ASIC2: variants seen among roughly 807,000 people sequenced by gnomAD.
The protein encoded by ASIC2 is acid-sensing ion channel 2.
ASIC2 carries 25 observed loss-of-function variants against 57.3 expected under a neutral mutation model. That is an observed-to-expected ratio of 0.44 (90% CI 0.32 to 0.61). The LOEUF (loss-of-function observed/expected upper bound fraction) is 0.61, where lower values mean the gene tolerates loss of function less well. Ranked by LOEUF, ASIC2 falls within the 20% of genes least tolerant of loss-of-function variation. ASIC2 has a pLI of 0.06. For missense variants in ASIC2, 641 were observed against 738.1 expected (o/e 0.87, Z 1.52); for synonymous variants, 319 against 307.5 (o/e 1.04, Z -0.39).
At chr17:34,070,527 G>A (rs1026335229) in intron 1 of ASIC2, 4 of 152,232 alleles carry the variant, frequency 2.6e-5, no homozygotes, top group African/African-American at 9.6e-5. Flanking sequence ...GCTACATTGG[G>A]GAAAAGTTTC....
At chr17:33,616,729 G>A (rs551102388) in intron 1 of ASIC2, among the ~76,000 whole-genome samples, 1 of 152,350 alleles carries the variant, frequency 6.6e-6, no homozygotes, top group Non-Finnish European at 1.5e-5. Context: ...TCCCTTGCCA[G>A]CAGAGATTCT....
intron 1 of ASIC2, among the ~76,000 whole-genome samples, chr17:33,823,000 C>A (rs1170280488): frequency 1.3e-5 from 2 of 152,120 alleles, no homozygotes; most frequent in Admixed American, 6.6e-5. Flanking sequence ...TTGAGAAGTG[C>A]CTGCATGCAG....
chr17:34,049,047 C>G (rs1597993323), intron 1 of ASIC2, among the ~76,000 whole-genome samples: 2 of 152,056 alleles, frequency 1.3e-5, no homozygotes, highest in East Asian at 3.9e-4. Context: ...TCTGTAATCC[C>G]AGTACTTTGG....
chr17:33,962,328 G>A (rs886742386), intron 1 of ASIC2, among the ~76,000 whole-genome samples: 1 of 152,126 alleles, frequency 6.6e-6, no homozygotes, highest in African/African-American at 2.4e-5. Flanking sequence ...CCTGGGGGAG[G>A]TGACATCGGA....
chr17:33,354,182 A>C (rs1249073984), intron 1 of ASIC2, among the ~76,000 whole-genome samples: 1 of 152,178 alleles, frequency 6.6e-6, no homozygotes, highest in Admixed American at 6.5e-5. Context: ...GTCCCACAAC[A>C]TGTGGGAATT....
intron 1 of ASIC2, among the ~76,000 whole-genome samples, chr17:33,166,213 G>T (rs1905301930): frequency 2.0e-5 from 3 of 152,220 alleles, no homozygotes. Context: ...ATGGAGATGA[G>T]AATTCCTTCC....
At chr17:33,327,728 A>G (rs1427208337) in intron 1 of ASIC2, among the ~76,000 whole-genome samples, 2 of 152,254 alleles carry the variant, frequency 1.3e-5, no homozygotes, top group Non-Finnish European at 2.9e-5. Context: ...TGTCATGAGT[A>G]TAATTGTGCT....
intron 1 of ASIC2, among the ~76,000 whole-genome samples, chr17:33,198,233 G>T (rs1395323267): frequency 6.6e-6 from 1 of 152,132 alleles, no homozygotes; most frequent in Non-Finnish European, 1.5e-5. Flanking sequence ...TGCACCTGTA[G>T]TCCCAGCTAC....
intron 1 of ASIC2, among the ~76,000 whole-genome samples, chr17:33,469,884 T>C (rs534064052): frequency 1.3e-5 from 2 of 152,308 alleles, no homozygotes; most frequent in South Asian, 4.1e-4. Flanking sequence ...TAAGGTATTG[T>C]GGACCTACAA....
chr17:33,453,974 A>AT (rs1187250271), intron 1 of ASIC2, among the ~76,000 whole-genome samples: 2 of 151,888 alleles, frequency 1.3e-5, no homozygotes, highest in African/African-American at 2.4e-5. Flanking sequence ...CATTCCTTTT[A>AT]TTTTTCCTAT....
chr17:33,286,676 A>T (rs956031292), intron 1 of ASIC2, among the ~76,000 whole-genome samples: 4 of 152,132 alleles, frequency 2.6e-5, no homozygotes, highest in African/African-American at 9.7e-5. Flanking sequence ...GCTTCTACTT[A>T]TCCTTCAAGA....
At chr17:33,725,446 G>A (rs961624636) in intron 1 of ASIC2, among the ~76,000 whole-genome samples, 12 of 152,074 alleles carry the variant, frequency 7.9e-5, no homozygotes, top group East Asian at 1.9e-4. Flanking sequence ...ATGGGCGTTA[G>A]GGTCAGAAGG....
intron 1 of ASIC2, among the ~76,000 whole-genome samples, chr17:33,396,253 C>T (rs1910073310): frequency 6.6e-6 from 1 of 152,166 alleles, no homozygotes; most frequent in South Asian, 2.1e-4. Flanking sequence ...ATTGCAGCAT[C>T]CAGGAGCAGA....
At chr17:33,386,894 G>A (rs1299913652) in intron 1 of ASIC2, among the ~76,000 whole-genome samples, 33 of 152,132 alleles carry the variant, frequency 2.2e-4, no homozygotes, top group Admixed American at 2.1e-3. Flanking sequence ...ACCTCTGAGT[G>A]GCTCGTGTGT....
chr17:34,113,432 A>C (rs1439388889), intron 1 of ASIC2, among the ~76,000 whole-genome samples: 2 of 151,958 alleles, frequency 1.3e-5, no homozygotes, highest in African/African-American at 4.8e-5. Flanking sequence ...ATGGTGGTGC[A>C]CACCTGTAGT....
At chr17:34,083,229 G>A (rs994738111) in intron 1 of ASIC2, among the ~76,000 whole-genome samples, 2 of 138,112 alleles carry the variant, frequency 1.4e-5, no homozygotes, top group Admixed American at 8.3e-5. Context: ...GTGTCCATAT[G>A]TTCTCACTGT....
intron 1 of ASIC2, among the ~76,000 whole-genome samples, chr17:33,119,509 G>C (rs1390994705): frequency 1.3e-5 from 2 of 152,186 alleles, no homozygotes; most frequent in Non-Finnish European, 2.9e-5. Context: ...CCTGGCTCTT[G>C]TTTTCTGAAG....
intron 1 of ASIC2, among the ~76,000 whole-genome samples, chr17:33,345,788 G>A (rs568353085): frequency 1.8e-4 from 28 of 152,268 alleles, no homozygotes; most frequent in Admixed American, 1.2e-3. Context: ...GATCTGACAC[G>A]TCTTTAAAAA....
At chr17:34,055,793 G>T (rs1465294069) in intron 1 of ASIC2, among the ~76,000 whole-genome samples, 1 of 152,204 alleles carries the variant, frequency 6.6e-6, no homozygotes, top group Non-Finnish European at 1.5e-5. Context: ...CATTTGGATT[G>T]TTCCCAATTT....
Sources: gnomAD v4.1 joint callset for allele counts (sites outside exome capture counted in the v4.1 genomes callset) on GRCh38, gnomAD v4.1.1 for gene constraint, MANE v1.5 for transcripts, NCBI Gene and HGNC (gene_info 2026-07-23, HGNC 2026-07-21) for gene names.